ASB4: variants seen among roughly 807,000 people sequenced by gnomAD.
ASB4 encodes the protein ankyrin repeat and SOCS box containing 4, also known as ankyrin repeat and SOCS box protein 4.
A neutral mutation model predicts 38.6 loss-of-function variants in ASB4; 35 were observed. That is an observed-to-expected ratio of 0.91 (90% CI 0.69 to 1.20). The LOEUF (loss-of-function observed/expected upper bound fraction) is 1.20. Ranked by LOEUF, ASB4 falls within the 50% of genes most tolerant of loss-of-function variation. The probability of loss-of-function intolerance (pLI) is 0.00; values close to 1 mark genes in which losing one functional copy is unlikely to be tolerated. For synonymous variants in ASB4, 195 were observed against 201.3 expected (o/e 0.97, Z 0.26); for missense variants, 557 against 527.2 (o/e 1.06, Z -0.55).
At chr7:95,473,412 G>T in the ASB4 span, among the ~76,000 whole-genome samples, 1 of 152,200 alleles carries the variant, frequency 6.6e-6, no homozygotes, top group East Asian at 1.9e-4. Flanking sequence ...AGTCAGGAGA[G>T]CAGCTGCCTG....
At chr7:95,499,974 C>G (rs552987554) in intron 2 of ASB4, among the ~76,000 whole-genome samples, 1 of 149,820 alleles carries the variant, frequency 6.7e-6, no homozygotes, top group African/African-American at 2.5e-5. Context: ...CCCGGGTTCA[C>G]GCCATTCTCC....
upstream of ASB4, chr7:95,473,678 T>A (rs1236077748): frequency 1.3e-5 from 2 of 151,984 alleles, no homozygotes; most frequent in Non-Finnish European, 2.9e-5. Flanking sequence ...AATCAGCCTC[T>A]TCATGTATCC....
rs1790946245 is a variant in ASB4 at position 95,539,854 on chromosome 7, A to G, written c.*2095A>G. The stretch of plus-strand genomic sequence containing the variant: ...CACTAAAGAATGTATCCATGTAACC[A>G]AAAACCACCTGTACCCCCAAAACTA... On this transcript the variant is annotated 3_prime_UTR_variant, in exon 5 of 5. Coordinates refer to ENST00000325885, the MANE Select transcript of ASB4 (RefSeq NM_016116.3). 1 of 152,246 alleles carries G rather than the reference A, an allele frequency of 6.6e-6. No individual in the cohort carries two copies. Among genetic ancestry groups the G allele is most frequent in the South Asian group, 2.1e-4 (1 of 4,830 alleles). 9.4% of individuals were successfully genotyped at this position (152,246 alleles called of 1,614,324 possible). A position where few individuals can be genotyped will look rare whatever the true frequency, so the allele number is the denominator to read the frequency against.
chr7:95,506,735 A>G (rs1309550428), intron 2 of ASB4, among the ~76,000 whole-genome samples: 1 of 149,212 alleles, frequency 6.7e-6, no homozygotes, highest in African/African-American at 2.5e-5. Flanking sequence ...TTCACAATGA[A>G]CTGTCTTGGT....
At chr7:95,480,702 T>TA (rs1174543949) in intron 1 of ASB4, among the ~76,000 whole-genome samples, 2 of 152,224 alleles carry the variant, frequency 1.3e-5, no homozygotes, top group Non-Finnish European at 2.9e-5. Context: ...TTTGTGTCTT[T>TA]AGTTTGAGGC....
chr7:95,488,305 C>G (rs1220859312), intron 1 of ASB4, among the ~76,000 whole-genome samples: 1 of 152,090 alleles, frequency 6.6e-6, no homozygotes, highest in Non-Finnish European at 1.5e-5. Flanking sequence ...GGCGCCACTG[C>G]ACTCCAGCCT....
chr7:95,486,790 C>T (rs1790097089), intron 1 of ASB4, among the ~76,000 whole-genome samples: 1 of 152,180 alleles, frequency 6.6e-6, no homozygotes, highest in Admixed American at 6.5e-5. Flanking sequence ...GTGTTTAATA[C>T]AGAATATCTG....
In ASB4 at chr7:95,485,966, G is replaced by A; in HGVS notation, c.-6G>A. The A allele has an allele frequency of 1.9e-6, 3 of 1,612,716 alleles. No homozygotes were observed. The highest frequency in any genetic ancestry group is 2.5e-6 in the Non-Finnish European group (3 of 1,179,062). ...TCACAACAAAGCTTCCAGAGGGAGA[G>A]GAAGGATGGACGGCACCACTGCCCC... On this transcript the variant is annotated 5_prime_UTR_variant, in exon 1 of 5. Coordinates refer to ENST00000325885, the MANE Select transcript of ASB4 (RefSeq NM_016116.3).
At chr7:95,487,993 G>A (rs1275431830) in intron 1 of ASB4, among the ~76,000 whole-genome samples, 1 of 152,160 alleles carries the variant, frequency 6.6e-6, no homozygotes, top group East Asian at 1.9e-4. Flanking sequence ...ACGCACATGG[G>A]CACAAGGACC....
upstream of ASB4, among the ~76,000 whole-genome samples, chr7:95,482,569 T>C (rs1210752187): frequency 3.9e-5 from 6 of 152,310 alleles, 1 homozygote; most frequent in Admixed American, 3.9e-4. Context: ...TATTTCTAAA[T>C]CACCTTATCT....
chr7:95,511,097 C>T (rs192377968), intron 2 of ASB4, among the ~76,000 whole-genome samples: 3 of 152,086 alleles, frequency 2.0e-5, no homozygotes, highest in South Asian at 4.2e-4. Flanking sequence ...AGAAAACATA[C>T]AAATAGGGGA....
At chr7:95,545,483 T>G in the ASB4 span, among the ~76,000 whole-genome samples, 1 of 152,212 alleles carries the variant, frequency 6.6e-6, no homozygotes, top group East Asian at 1.9e-4. Context: ...ATAGACAATT[T>G]CATTAGTAAT....
At chr7:95,482,738 T>C (rs1790031411), upstream of ASB4, among the ~76,000 whole-genome samples, 1 of 152,158 alleles carries the variant, frequency 6.6e-6, no homozygotes, top group Non-Finnish European at 1.5e-5. Context: ...ATTGTCCAAC[T>C]GGACCCTTGT....
chr7:95,518,279 TAA>T (rs1461386724), intron 2 of ASB4, among the ~76,000 whole-genome samples: 1 of 152,174 alleles, frequency 6.6e-6, no homozygotes, highest in Non-Finnish European at 1.5e-5. Flanking sequence ...ACAAAAGAAA[TAA>T]GAGTGGCTTC....
chr7:95,492,040 A>G (rs971328657), intron 1 of ASB4, among the ~76,000 whole-genome samples: 8 of 152,156 alleles, frequency 5.3e-5, no homozygotes, highest in African/African-American at 4.8e-5. Context: ...TCTCCACTTC[A>G]GCTCCCCAGA....
intron 3 of ASB4, among the ~76,000 whole-genome samples, chr7:95,533,472 C>G (rs1790846736): frequency 6.6e-6 from 1 of 152,172 alleles, no homozygotes; most frequent in Non-Finnish European, 1.5e-5. Context: ...ACAATCTGTT[C>G]CTTACCTGTT....
chr7:95,522,360 C>T (rs189549903), intron 2 of ASB4, among the ~76,000 whole-genome samples: 140 of 151,968 alleles, frequency 9.2e-4, no homozygotes, highest in Non-Finnish European at 1.6e-3. Context: ...TCTATCAGTT[C>T]GAATATGTAG....
intron 2 of ASB4, among the ~76,000 whole-genome samples, chr7:95,512,307 C>G (rs766977688): frequency 6.6e-6 from 1 of 152,182 alleles, no homozygotes; most frequent in African/African-American, 2.4e-5. Context: ...GAATCTTAGC[C>G]CTCACCTACC....
chr7:95,515,241 TTCTTTCTTTCCTTCTTTCTTTCTTTC>T (rs1562817096), intron 2 of ASB4, among the ~76,000 whole-genome samples: 4 of 144,962 alleles, frequency 2.8e-5, no homozygotes, highest in African/African-American at 7.7e-5. Context: ...TTTTCTTTCT[TTCTTTCTTTCCTTCTTTCTTTCTTTC>T]TCTTTCTTTC....
Sources: allele counts gnomAD v4.1 joint callset (sites outside exome capture counted in the v4.1 genomes callset), GRCh38; gene constraint gnomAD v4.1.1; transcripts MANE v1.5; gene names NCBI Gene and HGNC (gene_info 2026-07-23, HGNC 2026-07-21).